Variants in NBPF12 observed in about 807,000 individuals in gnomAD.
The protein encoded by NBPF12 is NBPF family member NBPF12.
In NBPF12, 115 loss-of-function variants were observed where a neutral mutation model predicts 146.4. The observed-to-expected ratio is 0.79, with a 90% CI of 0.68 to 0.92. NBPF12 has a LOEUF of 0.92. Ranked by LOEUF, NBPF12 falls within the 40% of genes least tolerant of loss-of-function variation. The pLI is 0.00. For synonymous variants in NBPF12, 385 were observed against 508.9 expected (o/e 0.76, Z 3.28); for missense variants, 1,205 against 1,326.8 (o/e 0.91, Z 1.43).
chr1:146,971,129 T>A, intron 12 of NBPF12, 54 bp from the exon 16 acceptor site: 7 of 1,608,852 alleles, frequency 4.4e-6, no homozygotes, highest in Non-Finnish European at 5.9e-6. Context: ...CTCCTTGGGG[T>A]CCAATCCCTC....
At chr1:146,973,295 AC>A (rs1407579111) in intron 14 of NBPF12, among the ~76,000 whole-genome samples, 1 of 151,630 alleles carries the variant, frequency 6.6e-6, no homozygotes, top group Non-Finnish European at 1.5e-5. Flanking sequence ...CAGACAAATA[AC>A]ATCTAGTCTG....
At chr1:146,971,934 A>T (rs2101878556) in intron 13 of NBPF12, among the ~76,000 whole-genome samples, 2 of 148,996 alleles carry the variant, frequency 1.3e-5, no homozygotes, top group East Asian at 4.0e-4. Flanking sequence ...AAAAAAAAAA[A>T]AAAATTAGCT....
chr1:146,940,196 C>G (rs1196410552), intron 1 of NBPF12, among the ~76,000 whole-genome samples: 2 of 151,918 alleles, frequency 1.3e-5, no homozygotes, highest in African/African-American at 4.8e-5. Context: ...ACCAGTGAAC[C>G]AAAAGCTCTT....
At chr1:146,968,153 A>C (rs1173266697) in intron 9 of NBPF12, among the ~76,000 whole-genome samples, 12 of 143,864 alleles carry the variant, frequency 8.3e-5, no homozygotes, top group East Asian at 2.1e-4. Flanking sequence ...AGTGGCCCCG[A>C]ATTCAGAGTC....
Position 146,964,749 on chromosome 1 carries a change from G to A in NBPF12, c.567-144G>A. ...GCTCTGTTGCAGAGAGAAGAGGATT[G>A]CCTGTTCCCTCTTTAAGGGAACCTC... On this transcript the variant is annotated intron_variant, in intron 7 of 33. Transcript: ENST00000617844. 3 of 1,289,512 alleles carry A rather than the reference G, an allele frequency of 2.3e-6. No homozygotes were observed. In the South Asian group the frequency reaches 3.6e-5, roughly 15 times the overall value. 79.9% of individuals were successfully genotyped at this position (1,289,512 alleles called of 1,614,324 possible).
intron 2 of NBPF12, among the ~76,000 whole-genome samples, chr1:146,952,259 CTCTG>C (rs1655356709): frequency 6.6e-6 from 1 of 152,076 alleles, no homozygotes; most frequent in African/African-American, 2.4e-5. Context: ...GGCTTGTGGG[CTCTG>C]TCTGGACAAA....
chr1:146,946,494 G>A (rs1239552705), upstream of NBPF12, among the ~76,000 whole-genome samples: 17 of 137,418 alleles, frequency 1.2e-4, no homozygotes, highest in Admixed American at 2.9e-4. Context: ...TTATTAATGA[G>A]GTGTTCAGAT....
At chr1:146,987,791 G>T (rs1657886664) in intron 25 of NBPF12, among the ~76,000 whole-genome samples, 163 bp from the exon 29 acceptor site, 1 of 151,776 alleles carries the variant, frequency 6.6e-6, no homozygotes, top group Non-Finnish European at 1.5e-5. Context: ...TTTCCATTTG[G>T]CCCTGTTCTG....
exon 34 of NBPF12, chr1:146,995,002 C>G: frequency 4.1e-6 from 1 of 242,636 alleles, no homozygotes; most frequent in Non-Finnish European, 7.9e-6. Flanking sequence ...TCAGTGTTGG[C>G]TTGTTTTAGC....
At chr1:146,980,227 T>G (rs1231253351) in intron 19 of NBPF12, among the ~76,000 whole-genome samples, 4 of 152,056 alleles carry the variant, frequency 2.6e-5, no homozygotes, top group Admixed American at 6.6e-5. Flanking sequence ...TGAGATGGGT[T>G]TTCTGAGTAC....
chr1:146,970,168 C>T (rs2101872535), intron 11 of NBPF12, among the ~76,000 whole-genome samples: 1 of 150,832 alleles, frequency 6.6e-6, no homozygotes, highest in East Asian at 2.0e-4. Flanking sequence ...CAGACTGGAG[C>T]ACTCCCCATG....
At chr1:146,939,568 T>G (rs1227743297) in intron 1 of NBPF12, among the ~76,000 whole-genome samples, 1 of 151,930 alleles carries the variant, frequency 6.6e-6, no homozygotes, top group Non-Finnish European at 1.5e-5. Flanking sequence ...GTGGTGTTGG[T>G]GTTTGCAGTC....
At chr1:146,980,297 G>T (rs1428358186) in intron 19 of NBPF12, among the ~76,000 whole-genome samples, 1 of 151,982 alleles carries the variant, frequency 6.6e-6, no homozygotes, top group Non-Finnish European at 1.5e-5. Flanking sequence ...TTTAACTGGG[G>T]CATTTAGCCC....
At position 146,966,679 on chromosome 1, in the gene NBPF12, A is replaced by G. The variant is rs1656233153; in HGVS notation, c.988+6A>G. The G allele has an allele frequency of 8.5e-6, 11 of 1,291,812 alleles. No homozygotes were observed. In the South Asian group the frequency reaches 1.3e-4, roughly 15 times the overall value. 80.0% of individuals were successfully genotyped at this position (1,291,812 alleles called of 1,614,324 possible). A position where few individuals can be genotyped will look rare whatever the true frequency, so the allele number is the denominator to read the frequency against. The stretch of plus-strand genomic sequence containing the variant: ...CAAGCAGCAGAACAAATACAGTAAG[A>G]TCTACAGGCTCACCATCACGAAAGT... On this transcript the variant is annotated splice_donor_region_variant and intron_variant, in intron 9 of 33. Transcript: ENST00000617844.
At position 146,970,501 on chromosome 1, in the gene NBPF12, A is replaced by G; in HGVS notation, c.1307-146A>G. ...GCCTGATGGACCAGGAAACCATGCC[A>G]GGGCATTTTGTGAAAGATAAAACAT... On this transcript the variant is annotated intron_variant, in intron 11 of 33. Coordinates refer to ENST00000617844, the Ensembl canonical transcript of NBPF12. The G allele has an allele frequency of 4.4e-6, 5 of 1,147,840 alleles. 1 individual carries two copies. In the South Asian group the frequency reaches 6.7e-5, roughly 15 times the overall value. The allele number at this position is 1,147,840 out of a possible 1,614,324, so 71.1% of individuals were successfully genotyped here. A position where few individuals can be genotyped will look rare whatever the true frequency, so the allele number is the denominator to read the frequency against.
intron 33 of NBPF12, 36 bp from the exon 37 acceptor site, chr1:146,994,296 C>T: frequency 2.5e-6 from 4 of 1,611,388 alleles, no homozygotes; most frequent in Non-Finnish European, 2.5e-6. Flanking sequence ...GTCTGACTTT[C>T]CCTGGCTGCT....
intron 16 of NBPF12, among the ~76,000 whole-genome samples, 199 bp downstream of exon 19, chr1:146,976,090 C>T (rs1656982610): frequency 7.0e-6 from 1 of 143,754 alleles, no homozygotes; most frequent in Non-Finnish European, 1.5e-5. Flanking sequence ...TGCAAGTGTC[C>T]CTCCTTCCTT....
rs1656061006 is a variant in NBPF12, at chr1:146,964,445, C to T, written c.566+16C>T. On this transcript the variant is annotated intron_variant, in intron 7 of 33. Coordinates refer to ENST00000617844, the Ensembl canonical transcript of NBPF12. ...CTGCCCCCAGGTAACACTGAATACTCAGGAGCAAGTAATGGGTGGTAACAT... is the reference window on the plus strand; with the variant it reads ...CTGCCCCCAGGTAACACTGAATACTTAGGAGCAAGTAATGGGTGGTAACAT... The T allele has an allele frequency of 1.9e-6, 3 of 1,598,476 alleles. No homozygotes were observed. The highest frequency in any genetic ancestry group is 2.2e-5 in the East Asian group (1 of 44,826).
At chr1:146,973,003 T>G in intron 14 of NBPF12, 43 bp downstream of exon 17, 2 of 858,090 alleles carry the variant, frequency 2.3e-6, no homozygotes, top group East Asian at 4.8e-5. Flanking sequence ...ATGAACGAAG[T>G]CCTGTCTTCT....
Sources: gnomAD v4.1 joint callset for allele counts (sites outside exome capture counted in the v4.1 genomes callset) on GRCh38, gnomAD v4.1.1 for gene constraint, MANE v1.5 for transcripts, NCBI Gene and HGNC (gene_info 2026-07-23, HGNC 2026-07-21) for gene names.